TTI2: variants seen among roughly 807,000 people sequenced by gnomAD.
The protein encoded by TTI2 is TELO2 interacting protein 2, also known as TELO2-interacting protein 2.
TTI2 carries 26 observed loss-of-function variants against 44.9 expected under a neutral mutation model. The ratio of observed to expected loss-of-function variants is 0.58; its 90% CI spans 0.42 to 0.80. The LOEUF (loss-of-function observed/expected upper bound fraction) is 0.80. TTI2 is among the 30% of genes least tolerant of loss of function. The pLI, the probability that TTI2 is intolerant of heterozygous loss-of-function variation, is 0.00. For synonymous variants in TTI2, 254 were observed against 250.9 expected, an observed-to-expected ratio of 1.01 and a Z score of -0.12; for missense variants, 582 against 611.6, an observed-to-expected ratio of 0.95 and a Z score of 0.51.
chr8:33,503,083 C>G (rs1390067461), intron 6 of TTI2, among the ~76,000 whole-genome samples: 15 of 148,834 alleles, frequency 1.0e-4, no homozygotes, highest in African/African-American at 3.8e-4. Context: ...GGGCAGAGAT[C>G]GCGCCACTGG....
At chr8:33,509,093 A>G (rs1336941574) in intron 3 of TTI2, among the ~76,000 whole-genome samples, 1 of 149,800 alleles carries the variant, frequency 6.7e-6, no homozygotes, top group African/African-American at 2.5e-5. Context: ...CAGTGAGCCA[A>G]GATCACACTC....
rs7841200 is a variant in TTI2 at position 33,505,815 on chromosome 8, G to A, written c.927+1414C>T. ...ACTACAGACACGTGCCACCATGCCCGGCTAATTTTTTGCATTTTTAGTAGA... is the reference window on the plus strand; with the variant it reads ...ACTACAGACACGTGCCACCATGCCCAGCTAATTTTTTGCATTTTTAGTAGA... On this transcript the variant is annotated intron_variant, in intron 4 of 7. Transcript: ENST00000431156. Among the ~76,000 whole-genome samples, 1,050 of 152,152 alleles carry A rather than the reference G, an allele frequency of 6.9e-3. 18 individuals carry two copies. Among genetic ancestry groups the A allele is most frequent in the African/African-American group, 0.024 (999 of 41,508 alleles).
intron 4 of TTI2, among the ~76,000 whole-genome samples, chr8:33,505,496 CT>C (rs544115559): frequency 2.4e-5 from 3 of 125,956 alleles, no homozygotes; most frequent in South Asian, 2.5e-4. Flanking sequence ...TTTTTTTTTT[CT>C]TTTTTTTTTG....
At position 33,512,428 on chromosome 8, in the gene TTI2, T is replaced by C. The variant is rs1809579129; in HGVS notation, c.186A>G (p.Thr62=). The change falls in exon 2 of 8, where the codon ACA becomes ACG. Residue 62 remains threonine, a synonymous_variant. Transcript: ENST00000431156. ...TCCCCTCAAATAACCTATCAAATTC[T>C]GTGGCTTCTATTAGATCACCGAGGT... ...LKDLGDLIEA[T]EFDRLFEGTG... is the part of the protein sequence containing the mutation. 1 of 1,614,000 alleles carries C rather than the reference T, an allele frequency of 6.2e-7. No homozygotes were observed. Among genetic ancestry groups the C allele is most frequent in the African/African-American group, 1.3e-5 (1 of 74,938 alleles).
Position 33,512,243 on chromosome 8 carries a change from A to G in TTI2, c.371T>C (p.Leu124Ser). Residue 124 changes from leucine (L) to serine (S), a missense_variant, in exon 2 of 8, where the codon TTA becomes TCA. Transcript: ENST00000431156. ...ATTCTTAGCAGTCTCAACTTTCCCT[A>G]ACAGTTTAAGAAACAGTAACCCAAC... Reference protein sequence around the residue: ...AQVGLLFLKLLGKVETAKNSL... With the variant: ...AQVGLLFLKLSGKVETAKNSL... The G allele has an allele frequency of 6.2e-7, 1 of 1,614,160 alleles. No individual in the cohort carries two copies. Among genetic ancestry groups the G allele is most frequent in the African/African-American group, 1.3e-5 (1 of 75,050 alleles).
At chr8:33,508,349 C>T (rs2128829815) in intron 3 of TTI2, among the ~76,000 whole-genome samples, 1 of 152,014 alleles carries the variant, frequency 6.6e-6, no homozygotes, top group Non-Finnish European at 1.5e-5. Context: ...TATAATCAAT[C>T]CCAGCACTTT....
rs1809596787 is a variant in TTI2 at position 33,512,615 on chromosome 8, C to A, written c.-2G>T. 1 of 1,612,390 alleles carries A rather than the reference C, an allele frequency of 6.2e-7. No individual in the cohort carries two copies. Reference sequence around the variant, plus strand: ...TTCCAGAGCGCTGTCAAGCTCCATTCCTGACTGCAGCACCAGAAGGCTGGT... The same window carrying A: ...TTCCAGAGCGCTGTCAAGCTCCATTACTGACTGCAGCACCAGAAGGCTGGT... On this transcript the variant is annotated 5_prime_UTR_variant, in exon 2 of 8. Coordinates refer to ENST00000431156, the MANE Select transcript of TTI2 (RefSeq NM_001102401.4).
chr8:33,509,661 G>T, intron 3 of TTI2, 85 bp downstream of exon 3: 1 of 1,335,444 alleles, frequency 7.5e-7, no homozygotes, highest in Non-Finnish European at 1.1e-6. Context: ...AAAGTTGAAT[G>T]ACTTAGCATT....
In TTI2 at chr8:33,500,484, G is replaced by A. The variant is rs960861976; in HGVS notation, c.1266C>T (p.Ser422=). The change falls in exon 7 of 8, where the codon TCC becomes TCT. Residue 422 remains serine (S), a synonymous_variant. Transcript: ENST00000431156. ...CCTTCAGTAAGACCACAAGTCTGCA[G>A]GAAACTCTGGAATCAGGAAGAAAAG... is the stretch of plus-strand genomic sequence containing the variant. The part of the protein sequence containing the change: ...LLMQHTWPRV[S]CRLVVLLKAL... 27 of 1,613,918 alleles carry A rather than the reference G, an allele frequency of 1.7e-5. No individual in the cohort carries two copies. The highest frequency in any genetic ancestry group is 2.3e-5 in the Non-Finnish European group (27 of 1,179,970).
chr8:33,503,198 T>TCTGGAA (rs2128827866), intron 6 of TTI2, among the ~76,000 whole-genome samples: 1 of 149,832 alleles, frequency 6.7e-6, no homozygotes, highest in East Asian at 2.0e-4. Context: ...ACTGTCAGAA[T>TCTGGAA]CTGGAACTGA....
At chr8:33,503,291 A>G (rs1203237246) in intron 6 of TTI2, 138 bp downstream of exon 6, 1 of 1,253,574 alleles carries the variant, frequency 8.0e-7, no homozygotes, top group Non-Finnish European at 1.1e-6. Context: ...TCAGTTTAAA[A>G]TCCTATAGGT....
chr8:33,509,156 G>GA (rs1376293822), intron 3 of TTI2, among the ~76,000 whole-genome samples: 2 of 133,904 alleles, frequency 1.5e-5, no homozygotes, highest in Non-Finnish European at 3.2e-5. Flanking sequence ...AAAAAAGAAA[G>GA]AAAGAAAGGA....
At chr8:33,500,025 A>G (rs1333679972) in intron 7 of TTI2, 1 of 236,214 alleles carries the variant, frequency 4.2e-6, no homozygotes, top group African/African-American at 2.3e-5. Flanking sequence ...AGAAGACTAG[A>G]ACAGAACTTA....
Position 33,509,132 on chromosome 8 carries a change from C to CAAAAAAA in TTI2, c.834+607_834+613dup, listed in dbSNP as rs751009227. Among the ~76,000 whole-genome samples, 7 of 96,988 alleles carry CAAAAAAA rather than the reference C, an allele frequency of 7.2e-5. 1 individual carries two copies. Among genetic ancestry groups the CAAAAAAA allele is most frequent in the African/African-American group, 1.6e-4 (4 of 25,776 alleles). 63.6% of individuals were successfully genotyped at this position (96,988 alleles called of 152,430 possible). On this transcript the variant is annotated intron_variant, in intron 3 of 7. Transcript: ENST00000431156. ...CCCAGGCGACAGAGTGATAATGTCT[C>CAAAAAAA]AAAAAAAAAAAAAAAAAAAGAAAGA...
At position 33,506,801 on chromosome 8, in the gene TTI2, T is replaced by A. The variant is rs376463134; in HGVS notation, c.927+428A>T. Among the ~76,000 whole-genome samples, 36 of 152,254 alleles carry A rather than the reference T, an allele frequency of 2.4e-4. No individual in the cohort carries two copies. The East Asian group carries it at 4.8e-3, about 20-fold the overall frequency. On this transcript the variant is annotated intron_variant, in intron 4 of 7. Coordinates refer to ENST00000431156, the MANE Select transcript of TTI2 (RefSeq NM_001102401.4). ...TCCGCCACCCGGGTTCAAATGATTCTTGTGCCTCAGCCTCCTGAGTAGTAG... is the reference window on the plus strand; with the variant it reads ...TCCGCCACCCGGGTTCAAATGATTCATGTGCCTCAGCCTCCTGAGTAGTAG...
rs1407475742 is a variant in TTI2, at chr8:33,499,058, A to C, written c.*115T>G. ...GTAAAAGGAAAGGAAGGAAGGAAAAAGCAGCTTTCACTTACAAAGTTTCGT... is the reference window on the plus strand; with the variant it reads ...GTAAAAGGAAAGGAAGGAAGGAAAACGCAGCTTTCACTTACAAAGTTTCGT... On this transcript the variant is annotated 3_prime_UTR_variant, in exon 8 of 8. Coordinates refer to ENST00000431156, the MANE Select transcript of TTI2 (RefSeq NM_001102401.4). The C allele has an allele frequency of 2.3e-6, 2 of 869,040 alleles. No individual in the cohort carries two copies. Among genetic ancestry groups the C allele is most frequent in the Admixed American group, 4.1e-5 (2 of 48,948 alleles). The allele number at this position is 869,040 out of a possible 1,614,324, so 53.8% of individuals were successfully genotyped here.
At chr8:33,508,087 TAAAAAAAA>T (rs58891946) in intron 3 of TTI2, among the ~76,000 whole-genome samples, 588 of 19,482 alleles carry the variant, frequency 0.03, 1 homozygote, top group Non-Finnish European at 0.046. Context: ...CTAGCGGTAG[TAAAAAAAA>T]AAAAAAAAAA....
intron 4 of TTI2, 27 bp from the exon 5 acceptor site, chr8:33,503,962 G>A (rs1563352298): frequency 3.1e-6 from 5 of 1,610,916 alleles, no homozygotes; most frequent in East Asian, 2.2e-5. Context: ...GAAGGACGGT[G>A]CATAGTTCAT....
At chr8:33,508,335 C>T (rs73594574) in intron 3 of TTI2, among the ~76,000 whole-genome samples, 7,311 of 151,828 alleles carry the variant, frequency 0.048, 271 homozygotes, top group African/African-American at 0.11. Flanking sequence ...GCCGGGCTCA[C>T]GCCTATAATC....
Sources: gnomAD v4.1 joint callset for allele counts (sites outside exome capture counted in the v4.1 genomes callset) on GRCh38, gnomAD v4.1.1 for gene constraint, MANE v1.5 for transcripts, NCBI Gene and HGNC (gene_info 2026-07-23, HGNC 2026-07-21) for gene names.